ZNF888: variants seen among roughly 807,000 people sequenced by gnomAD.
The protein encoded by ZNF888 is CTD-2331H12.6.
Under a neutral mutation model 7.2 loss-of-function variants are expected in ZNF888, and 5 were observed. That is an observed-to-expected ratio of 0.70 (90% CI 0.36 to 1.46). ZNF888 has a LOEUF of 1.46. Among genes scored for constraint, ZNF888 ranks in the 40% most tolerant of loss-of-function variants. The probability of loss-of-function intolerance (pLI) is 0.03; values close to 1 mark genes in which losing one functional copy is unlikely to be tolerated. For synonymous variants in ZNF888, 240 were observed against 284.3 expected (o/e 0.84, Z 1.57); for missense variants, 716 against 858.0 (o/e 0.83, Z 2.07).
chr19:52,918,282 A>T (rs1419567997), intron 2 of ZNF888: 2 of 837,598 alleles, frequency 2.4e-6, no homozygotes, highest in Non-Finnish European at 2.9e-6. Context: ...TTGAGCTCAG[A>T]AGTTTGAGAC....
rs145361548 is a variant in ZNF888 at position 52,920,938 on chromosome 19, TAAAAAAAAAA to T, written c.-177-2011_-177-2002del. The stretch of plus-strand genomic sequence containing the variant: ...GCTCAGAATAAATCTCTTCAAATAT[TAAAAAAAAAA>T]AAAAAAAAAAAAAAAAAAAATCTTC... On this transcript the variant is annotated intron_variant, in intron 1 of 4. Transcript: ENST00000638862. Among the ~76,000 whole-genome samples the T allele has an allele frequency of 3.1e-3, 20 of 6,530 alleles. 4 individuals are homozygous for T. The East Asian group carries it at 0.051, about 17-fold the overall frequency. 4.3% of individuals were successfully genotyped at this position (6,530 alleles called of 152,430 possible). A position where few individuals can be genotyped will look rare whatever the true frequency, so the allele number is the denominator to read the frequency against.
chr19:52,921,788 C>T (rs550279666), intron 1 of ZNF888: 18 of 271,878 alleles, frequency 6.6e-5, no homozygotes, highest in African/African-American at 3.9e-4. Flanking sequence ...ATTATCCAGG[C>T]ATGGTGGCGA....
rs112667412 is a variant in ZNF888 at position 52,905,604 on chromosome 19, C to T, written c.*561G>A. On this transcript the variant is annotated 3_prime_UTR_variant, in exon 5 of 5. Transcript: ENST00000638862. ...TGCTAGCATTACAGGTGTGAGCCAC[C>T]GCACTCAGCCTAATCCTCTTAACAT... The T allele has an allele frequency of 4.6e-4, 168 of 363,638 alleles. 2 individuals are homozygous for T. The highest frequency in any genetic ancestry group is 3.0e-3 in the African/African-American group (141 of 46,890). 22.5% of individuals were successfully genotyped at this position (363,638 alleles called of 1,614,324 possible).
At chr19:52,910,898 C>T (rs1408149198) in intron 4 of ZNF888, among the ~76,000 whole-genome samples, 1 of 152,044 alleles carries the variant, frequency 6.6e-6, no homozygotes, top group East Asian at 1.9e-4. Flanking sequence ...TCTCCCTCCT[C>T]AGCCCAGAGT....
chr19:52,908,153 A>T lies in ZNF888; in HGVS notation c.169T>A (p.Phe57Ile). Residue 57 changes from phenylalanine (F) to isoleucine (I), a missense_variant, in exon 5 of 5, where the codon TTC becomes ATC. By Grantham distance (21) the Phe-to-Ile change is conservative. Coordinates refer to ENST00000638862, the MANE Select transcript of ZNF888 (RefSeq NM_001393938.1). Reference sequence around the variant, plus strand: ...GTATTGCCTTTCCCTATTGATGAGAACTCCATCATGCATTTGGAAGAGATA... The same window carrying T: ...GTATTGCCTTTCCCTATTGATGAGATCTCCATCATGCATTTGGAAGAGATA... The part of the protein sequence containing the change: ...LDISSKCMME[F>I]SSIGKGNTEV... 1 of 1,613,992 alleles carries T rather than the reference A, an allele frequency of 6.2e-7. No homozygotes were observed. The highest frequency in any genetic ancestry group is 8.5e-7 in the Non-Finnish European group (1 of 1,179,972).
rs572936995 is a variant in ZNF888 at position 52,910,437 on chromosome 19, C to T, written c.143-2258G>A. 3.9e-5 allele frequency among the ~76,000 whole-genome samples: 6 copies of T among 152,304 alleles called. No individual in the cohort carries two copies. In the South Asian group the frequency reaches 1.2e-3, roughly 32 times the overall value. On this transcript the variant is annotated intron_variant, in intron 4 of 4. Coordinates refer to ENST00000638862, the MANE Select transcript of ZNF888 (RefSeq NM_001393938.1). ...AGTGAGCCGAGACCATGCTACTGCA[C>T]TCCAGCCTGGGTGAGAGAATGCGAC... is the stretch of plus-strand genomic sequence containing the variant.
chr19:52,907,081 T>A lies in ZNF888; in HGVS notation c.1241A>T (p.Glu414Val), dbSNP rs1016202563. ...ATTTTCACCAAACGTTTTGCCACAC[T>A]CATTACACTTGTAAGGTTTCTCTCT... ...HTREKPYKCNECGKTFGENSA... is the reference protein window; with the variant it reads ...HTREKPYKCNVCGKTFGENSA... Residue 414 changes from glutamate (E) to valine (V), a missense_variant, in exon 5 of 5, where the codon GAG (glutamate) becomes GTG (valine). By Grantham distance (121) the Glu-to-Val change is moderately radical (BLOSUM62 -2). This residue lies in a region of ZNF888 where 697 missense variants were observed against 803.4 expected (regional missense o/e 0.87). Transcript: ENST00000638862. The A allele has an allele frequency of 6.2e-7, 1 of 1,612,578 alleles. No homozygotes were observed. Among genetic ancestry groups the A allele is most frequent in the Middle Eastern group, 1.6e-4 (1 of 6,066 alleles).
rs1420023918 is a variant in ZNF888 at position 52,916,666 on chromosome 19, C to T, written c.15+1193G>A. ...TAGGTTTTAAATATATAAAAAGTAG[C>T]AAGTTTTGTTTAAGTGAAGAGGAAT... On this transcript the variant is annotated intron_variant, in intron 3 of 4. Coordinates refer to ENST00000638862, the MANE Select transcript of ZNF888 (RefSeq NM_001393938.1). Among the ~76,000 whole-genome samples the T allele has an allele frequency of 8.5e-5, 12 of 140,978 alleles. 1 individual carries two copies. The South Asian group carries it at 2.3e-3, about 28-fold the overall frequency. 92.5% of individuals were successfully genotyped at this position (140,978 alleles called of 152,430 possible).
At position 52,908,753 on chromosome 19, in the gene ZNF888, C is replaced by G. The variant is rs920961025; in HGVS notation, c.143-574G>C. Reference sequence around the variant, plus strand: ...CCCAGGTACTCGGGAGGCTGAGGCACAAGAATCACTTTAAGCCAAGAGGCA... The same window carrying G: ...CCCAGGTACTCGGGAGGCTGAGGCAGAAGAATCACTTTAAGCCAAGAGGCA... On this transcript the variant is annotated intron_variant, in intron 4 of 4. Coordinates refer to ENST00000638862, the MANE Select transcript of ZNF888 (RefSeq NM_001393938.1). Among the ~76,000 whole-genome samples, 195 of 137,864 alleles carry G rather than the reference C, an allele frequency of 1.4e-3. 1 individual carries two copies. The highest frequency in any genetic ancestry group is 1.4e-3 in the South Asian group (6 of 4,226). The allele number at this position is 137,864 out of a possible 152,430, so 90.4% of individuals were successfully genotyped here.
At chr19:52,916,491 T>C (rs1237739619) in intron 3 of ZNF888, among the ~76,000 whole-genome samples, 2 of 151,580 alleles carry the variant, frequency 1.3e-5, no homozygotes, top group Non-Finnish European at 2.9e-5. Flanking sequence ...TGTGTACATA[T>C]ATATGTGTAT....
At chr19:52,918,661 G>A (rs1026880224) in intron 2 of ZNF888, among the ~76,000 whole-genome samples, 158 bp downstream of exon 2, 1 of 152,194 alleles carries the variant, frequency 6.6e-6, no homozygotes, top group African/African-American at 2.4e-5. Context: ...AGCTACCCAG[G>A]AGGCTGAGGT....
chr19:52,908,634 C>A (rs2064639542), intron 4 of ZNF888, among the ~76,000 whole-genome samples: 1 of 152,040 alleles, frequency 6.6e-6, no homozygotes, highest in South Asian at 2.1e-4. Flanking sequence ...TAACCAAAAT[C>A]AATGGAAATC....
rs115656038 is a variant in ZNF888 at position 52,913,835 on chromosome 19, A to G, written c.142+1361T>C. 174 of 758,312 alleles carry G rather than the reference A, an allele frequency of 2.3e-4. 1 individual carries two copies. The African/African-American group carries it at 3.2e-3, about 14-fold the overall frequency. 47.0% of individuals were successfully genotyped at this position (758,312 alleles called of 1,614,324 possible). A position where few individuals can be genotyped will look rare whatever the true frequency, so the allele number is the denominator to read the frequency against. On this transcript the variant is annotated intron_variant, in intron 4 of 4. Coordinates refer to ENST00000638862, the MANE Select transcript of ZNF888 (RefSeq NM_001393938.1). ...AGAACTAAAAGACAAAACTATTTAA[A>G]ATAATAACGGTTGGGCATGGTGGCT...
At chr19:52,911,488 G>A (rs182702402) in intron 4 of ZNF888, among the ~76,000 whole-genome samples, 4,269 of 151,812 alleles carry the variant, frequency 0.028, 200 homozygotes, top group African/African-American at 0.096. Flanking sequence ...ACAGGCGCCC[G>A]CCACTATGCC....
At chr19:52,916,615 C>CATATATATACATAT (rs1555828398) in intron 3 of ZNF888, among the ~76,000 whole-genome samples, 1 of 131,482 alleles carries the variant, frequency 7.6e-6, no homozygotes, top group African/African-American at 3.1e-5. Context: ...TATACATATA[C>CATATATATACATAT]ATATATATAT....
intron 4 of ZNF888, among the ~76,000 whole-genome samples, chr19:52,912,476 A>G (rs2064697648): frequency 2.0e-5 from 3 of 149,836 alleles, no homozygotes; most frequent in Non-Finnish European, 4.4e-5. Flanking sequence ...CAGTAATCCC[A>G]GTATTTTGGG....
chr19:52,912,561 T>A (rs1345618288), intron 4 of ZNF888, among the ~76,000 whole-genome samples: 48 of 114,866 alleles, frequency 4.2e-4, no homozygotes, highest in South Asian at 6.3e-4. Flanking sequence ...CCATCTCTAC[T>A]AAAAAAAAAA....
intron 4 of ZNF888, among the ~76,000 whole-genome samples, chr19:52,913,368 A>C (rs929596952): frequency 1.9e-3 from 227 of 116,606 alleles, no homozygotes; most frequent in African/African-American, 7.5e-3. Context: ...TCTGTCACCC[A>C]GCCTGGAGTG....
At chr19:52,917,826 A>T in intron 3 of ZNF888, 33 bp downstream of exon 3, 1 of 1,613,396 alleles carries the variant, frequency 6.2e-7, no homozygotes, top group Non-Finnish European at 8.5e-7. Flanking sequence ...GAAAGGAAGG[A>T]GACAGAACAA....
Sources: gnomAD v4.1 joint callset for allele counts (sites outside exome capture counted in the v4.1 genomes callset) on GRCh38, gnomAD v4.1.1 for gene constraint, gnomAD v4.1.1 regional missense constraint, MANE v1.5 for transcripts, NCBI Gene and HGNC (gene_info 2026-07-23, HGNC 2026-07-21) for gene names.